The following RANBP2 variants were observed in gnomAD, a reference collection of about 807,000 sequenced individuals.
RANBP2 encodes E3 SUMO-protein ligase RanBP2.
RANBP2 carries 57 observed loss-of-function variants against 303.6 expected under a neutral mutation model. The observed-to-expected ratio is 0.19, with a 90% CI of 0.15 to 0.23. RANBP2 has a LOEUF of 0.23. RANBP2 is among the 10% of genes least tolerant of loss of function. RANBP2 has a pLI of 1.00. For missense variants in RANBP2, 3,138 were observed against 3,780.8 expected (o/e 0.83, Z 4.46); for synonymous variants, 1,167 against 1,301.5 (o/e 0.90, Z 2.23).
At chr2:109,675,775 G>A in the RANBP2 span, among the ~76,000 whole-genome samples, 1 of 152,156 alleles carries the variant, frequency 6.6e-6, no homozygotes, top group Non-Finnish European at 1.5e-5. Context: ...TGCCTTTCTC[G>A]TCCTGCCACT....
At chr2:109,464,669 A>G in the RANBP2 span, among the ~76,000 whole-genome samples, 12,132 of 152,210 alleles carry the variant, frequency 0.08, 1,491 homozygotes, top group African/African-American at 0.26. Context: ...ATTTTTTAGA[A>G]CAAATTTAGG....
chr2:109,016,229 C>T, the RANBP2 span, among the ~76,000 whole-genome samples: 1 of 151,962 alleles, frequency 6.6e-6, no homozygotes, highest in African/African-American at 2.4e-5. Flanking sequence ...CTACAGGCGC[C>T]GGCCACCACG....
chr2:109,097,778 C>T, the RANBP2 span, among the ~76,000 whole-genome samples: 40 of 151,554 alleles, frequency 2.6e-4, no homozygotes, highest in Non-Finnish European at 3.2e-4. Context: ...TGTGTCTTCA[C>T]ACTCCCACCC....
In RANBP2 at chr2:108,765,723, G is replaced by A; in HGVS notation, c.5184G>A (p.Trp1728Ter). 6.2e-7 allele frequency: 1 copy of A among 1,613,842 alleles called. No individual in the cohort carries two copies. The highest frequency in any genetic ancestry group is 8.5e-7 in the Non-Finnish European group (1 of 1,179,982). ...TGTTCACTAAGAAGGAAGGACAGTG[G>A]GATTGCAGTGTGTGCTTAGTAAGAA... is the stretch of plus-strand genomic sequence containing the variant. ...EGMFTKKEGQ[W>*]DCSVCLVRNE... The change falls in exon 20 of 29, where the codon TGG (tryptophan) becomes TGA (stop). Residue 1728 changes from tryptophan (W) to a stop codon, truncating the protein, a stop_gained. Transcript: ENST00000283195. LOFTEE classifies it high-confidence loss of function.
At chr2:108,894,173 A>AAGAC in the RANBP2 span, among the ~76,000 whole-genome samples, 1 of 150,716 alleles carries the variant, frequency 6.6e-6, no homozygotes, top group African/African-American at 2.4e-5. Flanking sequence ...ATTTTAAGAC[A>AAGAC]AGACAGTTTG....
the RANBP2 span, among the ~76,000 whole-genome samples, chr2:109,016,195 C>A: frequency 6.6e-6 from 1 of 152,264 alleles, no homozygotes; most frequent in Non-Finnish European, 1.5e-5. Context: ...CATTCTCCTG[C>A]CTCAGCCTCC....
At chr2:109,314,662 C>A in the RANBP2 span, among the ~76,000 whole-genome samples, 1 of 152,248 alleles carries the variant, frequency 6.6e-6, no homozygotes. Context: ...ATTAATCCTC[C>A]TTTACATGCA....
downstream of RANBP2, chr2:108,786,748 A>T (rs940357295): frequency 1.5e-5 from 20 of 1,367,446 alleles, no homozygotes; most frequent in South Asian, 1.6e-4. Context: ...GCACGTCGTG[A>T]CGCACTGCGG....
the RANBP2 span, among the ~76,000 whole-genome samples, chr2:109,045,677 G>C: frequency 6.6e-6 from 1 of 152,140 alleles, no homozygotes; most frequent in South Asian, 2.1e-4. Context: ...TGGTGACCCA[G>C]TGCTGCCACT....
At chr2:109,678,251 A>G in the RANBP2 span, among the ~76,000 whole-genome samples, 1 of 152,264 alleles carries the variant, frequency 6.6e-6, no homozygotes, top group African/African-American at 2.4e-5. Context: ...AGAGCAAAAA[A>G]TACGGAGGAT....
chr2:109,583,831 T>C, the RANBP2 span, among the ~76,000 whole-genome samples: 3 of 152,164 alleles, frequency 2.0e-5, no homozygotes, highest in Non-Finnish European at 2.9e-5. Context: ...ATCAAGTCTT[T>C]TGTACCAACA....
chr2:109,449,052 C>G, the RANBP2 span: 1 of 1,246,648 alleles, frequency 8.0e-7, no homozygotes, highest in Non-Finnish European at 1.1e-6. Context: ...GGAGAAACTT[C>G]AGAGAGAGGC....
the RANBP2 span, among the ~76,000 whole-genome samples, chr2:109,393,777 G>A: frequency 2.6e-5 from 4 of 151,828 alleles, no homozygotes; most frequent in Non-Finnish European, 5.9e-5. Flanking sequence ...ACTACTTTGC[G>A]CTGTTTTTCT....
chr2:109,422,029 A>G, the RANBP2 span, among the ~76,000 whole-genome samples: 1 of 152,188 alleles, frequency 6.6e-6, no homozygotes, highest in African/African-American at 2.4e-5. Flanking sequence ...CTGCTCACCT[A>G]TCCTCTTTAA....
At chr2:108,790,799 G>A (rs150639490), downstream of RANBP2, among the ~76,000 whole-genome samples, 153 of 152,312 alleles carry the variant, frequency 1.0e-3, no homozygotes, top group Non-Finnish European at 2.0e-3. Flanking sequence ...TGCCCAGGCT[G>A]TGAGTGCAGT....
the RANBP2 span, among the ~76,000 whole-genome samples, chr2:108,792,721 C>T: frequency 1.1e-4 from 17 of 152,262 alleles, no homozygotes; most frequent in Non-Finnish European, 1.2e-4. Context: ...AAGACACACC[C>T]CCCTCCTTTT....
the RANBP2 span, among the ~76,000 whole-genome samples, chr2:109,729,287 C>T: frequency 6.6e-6 from 1 of 152,186 alleles, no homozygotes; most frequent in Admixed American, 6.5e-5. Context: ...CCAAATGGCA[C>T]ACACCCAAAC....
At chr2:108,951,834 A>G in the RANBP2 span, among the ~76,000 whole-genome samples, 2 of 152,284 alleles carry the variant, frequency 1.3e-5, no homozygotes, top group South Asian at 4.2e-4. Context: ...TTCTCAAATC[A>G]CAGTTATATT....
chr2:108,830,698 C>CT, the RANBP2 span, among the ~76,000 whole-genome samples: 1 of 152,016 alleles, frequency 6.6e-6, no homozygotes, highest in African/African-American at 2.4e-5. Context: ...ATCCCAGCTA[C>CT]TTGGGAGGCT....
Sources: gnomAD v4.1 joint callset for allele counts (sites outside exome capture counted in the v4.1 genomes callset) on GRCh38, gnomAD v4.1.1 for gene constraint, MANE v1.5 for transcripts, NCBI Gene and HGNC (gene_info 2026-07-23, HGNC 2026-07-21) for gene names.